SRGAP2B: variants seen among roughly 807,000 people sequenced by gnomAD.
SRGAP2B encodes the protein SLIT-ROBO Rho GTPase activating protein 2B.
A neutral mutation model predicts 22.2 loss-of-function variants in SRGAP2B; 9 were observed. The ratio of observed to expected loss-of-function variants is 0.41; its 90% CI spans 0.24 to 0.71. The LOEUF (loss-of-function observed/expected upper bound fraction) is 0.71. Ranked by LOEUF, SRGAP2B falls within the 30% of genes least tolerant of loss-of-function variation. The pLI, the probability that SRGAP2B is intolerant of heterozygous loss-of-function variation, is 0.35. For synonymous variants in SRGAP2B, 36 were observed against 87.4 expected (o/e 0.41, Z 3.28); for missense variants, 114 against 235.8 (o/e 0.48, Z 3.38).
chr1:144,954,455 C>G lies in SRGAP2B; in HGVS notation c.423+984G>C, dbSNP rs1480012155. On this transcript the variant is annotated intron_variant, in intron 4 of 9. Transcript: ENST00000612199. ...AATAATGGATTTTGTCACCTGGAAACTGATGAATTCTAAATAGCCCTCTAT... is the reference window on the plus strand; with the variant it reads ...AATAATGGATTTTGTCACCTGGAAAGTGATGAATTCTAAATAGCCCTCTAT... Among the ~76,000 whole-genome samples the G allele has an allele frequency of 2.6e-5, 4 of 151,522 alleles. No individual in the cohort carries two copies. The East Asian group carries it at 7.7e-4, about 29-fold the overall frequency.
At chr1:145,062,979 G>C (rs1258957919) in intron 2 of SRGAP2B, among the ~76,000 whole-genome samples, 3 of 149,414 alleles carry the variant, frequency 2.0e-5, no homozygotes, top group Admixed American at 6.6e-5. Context: ...AAACAAAATA[G>C]AGTAAGTCGT....
intron 2 of SRGAP2B, among the ~76,000 whole-genome samples, chr1:145,044,675 A>C (rs1553628286): frequency 9.9e-5 from 11 of 110,986 alleles, no homozygotes; most frequent in African/African-American, 2.3e-4. Context: ...AAAAAAAAAA[A>C]AAAAAAAAAA....
rs1378958784 is a variant in SRGAP2B, at chr1:145,002,506, G to A, written c.68-7306C>T. ...CCAGATGGGAGGACTGCTTGAAGCC[G>A]GAAGTTTGAGACCAGCCTGGTCAAC... is the stretch of plus-strand genomic sequence containing the variant. On this transcript the variant is annotated intron_variant, in intron 2 of 9. Transcript: ENST00000612199. Among the ~76,000 whole-genome samples, 11 of 91,416 alleles carry A rather than the reference G, an allele frequency of 1.2e-4. 1 individual carries two copies. Among genetic ancestry groups the A allele is most frequent in the African/African-American group, 3.3e-4 (6 of 18,106 alleles). 60.0% of individuals were successfully genotyped at this position (91,416 alleles called of 152,430 possible).
chr1:144,912,075 C>T (rs1207494859), intron 5 of SRGAP2B, among the ~76,000 whole-genome samples: 2 of 145,584 alleles, frequency 1.4e-5, no homozygotes, highest in East Asian at 2.0e-4. Flanking sequence ...CTCAGCCTCC[C>T]CAGTAGCTGG....
intron 4 of SRGAP2B, among the ~76,000 whole-genome samples, chr1:144,931,204 A>G: frequency 6.6e-6 from 1 of 150,542 alleles, no homozygotes; most frequent in East Asian, 1.9e-4. Flanking sequence ...ATCCAGCTCA[A>G]ATTTCACCTC....
At position 144,957,862 on chromosome 1, in the gene SRGAP2B, T is replaced by A. The variant is rs587643563; in HGVS notation, c.261-2261A>T. On this transcript the variant is annotated intron_variant, in intron 3 of 9. Transcript: ENST00000612199. ...TACCCATGTCCTCAGTAAGCATGCT[T>A]TTTAAAGGGGCAGATCTCATGAGAC... Among the ~76,000 whole-genome samples the A allele has an allele frequency of 4.7e-4, 69 of 147,744 alleles. 1 individual carries two copies. In the South Asian group the frequency reaches 0.014, roughly 30 times the overall value.
At position 145,015,574 on chromosome 1, in the gene SRGAP2B, G is replaced by A. The variant is rs1431429305; in HGVS notation, c.68-20374C>T. On this transcript the variant is annotated intron_variant, in intron 2 of 9. Coordinates refer to ENST00000612199, the Ensembl canonical transcript of SRGAP2B. ...CGGGGAAAAAGACGATGCTGTAGGA[G>A]TATACAGAAATTGGTCTAGGGCTCA... Among the ~76,000 whole-genome samples, 10 of 149,316 alleles carry A rather than the reference G, an allele frequency of 6.7e-5. 2 individuals carry two copies. The highest frequency in any genetic ancestry group is 1.3e-4 in the African/African-American group (5 of 39,268).
intron 4 of SRGAP2B, among the ~76,000 whole-genome samples, chr1:144,932,459 C>G (rs1466186869): frequency 1.3e-5 from 2 of 151,014 alleles, no homozygotes; most frequent in Non-Finnish European, 2.9e-5. Flanking sequence ...GGCTTTGCAG[C>G]CAAATATGTA....
intron 5 of SRGAP2B, among the ~76,000 whole-genome samples, chr1:144,907,205 TTATTAA>T (rs1663059245): frequency 6.6e-6 from 1 of 150,752 alleles, no homozygotes; most frequent in South Asian, 2.1e-4. Context: ...TACAATATTA[TTATTAA>T]TATCTACCAC....
chr1:144,980,084 GA>G (rs1262517339), intron 3 of SRGAP2B, among the ~76,000 whole-genome samples: 4 of 149,698 alleles, frequency 2.7e-5, no homozygotes, highest in Non-Finnish European at 5.9e-5. Context: ...AGAGGAGAAG[GA>G]GGGGAGGAAG....
chr1:144,997,513 G>GT (rs1324146070), intron 2 of SRGAP2B, among the ~76,000 whole-genome samples: 1 of 149,664 alleles, frequency 6.7e-6, no homozygotes, highest in African/African-American at 2.5e-5. Flanking sequence ...GATGTACAGG[G>GT]GATATGGATG....
chr1:145,075,867 C>A (rs1449084256), intron 2 of SRGAP2B, among the ~76,000 whole-genome samples: 2 of 149,378 alleles, frequency 1.3e-5, no homozygotes, highest in Non-Finnish European at 3.0e-5. Context: ...GTGGGAAGAT[C>A]ACTTGAGGTC....
At position 144,967,183 on chromosome 1, in the gene SRGAP2B, T is replaced by C. The variant is rs1384707743; in HGVS notation, c.261-11582A>G. On this transcript the variant is annotated intron_variant, in intron 3 of 9. Coordinates refer to ENST00000612199, the Ensembl canonical transcript of SRGAP2B. ...AACTCTCCACCCCAAATCAACAGAA[T>C]ATACATTTTTTTCAGCACCACACCA... 1.9e-3 allele frequency among the ~76,000 whole-genome samples: 207 copies of C among 110,700 alleles called. 1 individual carries two copies. The highest frequency in any genetic ancestry group is 3.0e-3 in the Non-Finnish European group (170 of 56,526). The allele number at this position is 110,700 out of a possible 152,430, so 72.6% of individuals were successfully genotyped here.
chr1:144,987,815 C>T (rs1449639859), intron 3 of SRGAP2B, among the ~76,000 whole-genome samples: 1 of 150,876 alleles, frequency 6.6e-6, no homozygotes, highest in Admixed American at 6.6e-5. Context: ...TTATCTTTTG[C>T]AACACAAAAA....
At chr1:144,928,407 A>T (rs1450290307) in intron 4 of SRGAP2B, among the ~76,000 whole-genome samples, 1 of 46,294 alleles carries the variant, frequency 2.2e-5, no homozygotes, top group Non-Finnish European at 4.9e-5. Flanking sequence ...CTTTTTGGTT[A>T]TTTATTTATT....
chr1:144,958,389 G>A lies in SRGAP2B; in HGVS notation c.261-2788C>T, dbSNP rs1396138206. 6.7e-5 allele frequency among the ~76,000 whole-genome samples: 10 copies of A among 150,308 alleles called. 1 individual carries two copies. The highest frequency in any genetic ancestry group is 2.5e-4 in the African/African-American group (10 of 40,022). On this transcript the variant is annotated intron_variant, in intron 3 of 9. Transcript: ENST00000612199. ...GTTTTATTGAGAACTTGTAAGGTGT[G>A]GCTCACGCCTGCAATCCCAGCACTT...
chr1:144,992,285 G>C (rs4844759), intron 3 of SRGAP2B, among the ~76,000 whole-genome samples: 1 of 150,880 alleles, frequency 6.6e-6, no homozygotes, highest in Non-Finnish European at 1.5e-5. Flanking sequence ...GAGGGTCCGC[G>C]GCCTCATTCT....
intron 2 of SRGAP2B, among the ~76,000 whole-genome samples, chr1:145,041,087 A>ATATATATAG (rs1649192063): frequency 1.7e-5 from 2 of 117,946 alleles, no homozygotes; most frequent in Non-Finnish European, 3.4e-5. Context: ...ATATATATAT[A>ATATATATAG]TATATATATA....
At chr1:144,926,881 G>A (rs1553605079) in intron 4 of SRGAP2B, among the ~76,000 whole-genome samples, 1 of 149,720 alleles carries the variant, frequency 6.7e-6, no homozygotes, top group African/African-American at 2.5e-5. Flanking sequence ...ATCTAAAAAA[G>A]GAAAACCCCA....
Sources: allele counts gnomAD v4.1 joint callset (sites outside exome capture counted in the v4.1 genomes callset), GRCh38; gene constraint gnomAD v4.1.1; transcripts MANE v1.5; gene names NCBI Gene and HGNC (gene_info 2026-07-23, HGNC 2026-07-21).